Variants in SULF2 observed in about 807,000 individuals in gnomAD.
The protein encoded by SULF2 is extracellular sulfatase Sulf-2.
A neutral mutation model predicts 107.7 loss-of-function variants in SULF2; 52 were observed. That is an observed-to-expected ratio of 0.48 (90% CI 0.39 to 0.61). The LOEUF is 0.61. Among genes scored for constraint, SULF2 ranks in the 20% least tolerant of loss-of-function variants. The probability of loss-of-function intolerance (pLI) is 0.00; values close to 1 mark genes in which losing one functional copy is unlikely to be tolerated. For synonymous variants in SULF2, 460 were observed against 464.3 expected, an observed-to-expected ratio of 0.99 and a Z score of 0.12; for missense variants, 993 against 1,177.3, an observed-to-expected ratio of 0.84 and a Z score of 2.29.
chr20:47,776,362 A>G (rs1165964521), intron 1 of SULF2, among the ~76,000 whole-genome samples: 1 of 152,154 alleles, frequency 6.6e-6, no homozygotes, highest in East Asian at 1.9e-4. Context: ...GAGCAAGGAG[A>G]GACTTCGTTG....
At chr20:47,743,926 A>G (rs1338399529) in intron 2 of SULF2, among the ~76,000 whole-genome samples, 3 of 152,156 alleles carry the variant, frequency 2.0e-5, no homozygotes, top group African/African-American at 7.2e-5. Context: ...GTTTCTGCAA[A>G]TATCACTTTC....
intron 4 of SULF2, among the ~76,000 whole-genome samples, chr20:47,690,648 A>C (rs948147973): frequency 3.3e-5 from 5 of 152,104 alleles, no homozygotes; most frequent in Non-Finnish European, 2.9e-5. Context: ...TGAGGTGAGC[A>C]GATCACCTGA....
chr20:47,718,321 G>A (rs1380150749), intron 3 of SULF2, among the ~76,000 whole-genome samples: 1 of 152,022 alleles, frequency 6.6e-6, no homozygotes, highest in Non-Finnish European at 1.5e-5. Flanking sequence ...CCTCTAAATG[G>A]TTACTGTTTT....
At chr20:47,773,563 C>T (rs1369910030) in intron 1 of SULF2, among the ~76,000 whole-genome samples, 4 of 152,252 alleles carry the variant, frequency 2.6e-5, no homozygotes, top group Admixed American at 6.5e-5. Flanking sequence ...AGGCCACACC[C>T]GCTGTCCTTT....
intron 3 of SULF2, among the ~76,000 whole-genome samples, chr20:47,715,871 G>C (rs112103943): frequency 6.6e-6 from 1 of 152,144 alleles, no homozygotes; most frequent in African/African-American, 2.4e-5. Context: ...GAGCCACTGC[G>C]CCTGGCTGAG....
chr20:47,758,635 G>A (rs1483584235), intron 1 of SULF2, among the ~76,000 whole-genome samples: 3 of 152,104 alleles, frequency 2.0e-5, no homozygotes, highest in Non-Finnish European at 4.4e-5. Context: ...GTGGGGACGC[G>A]ACTCTGGCTC....
In SULF2 at chr20:47,745,391, AAAAAAAAAAAAAAAAAAAAATATATATAT is replaced by A. The variant is rs1306437986; in HGVS notation, c.176-8478_176-8450del. 2.9e-4 allele frequency among the ~76,000 whole-genome samples: 4 copies of A among 13,834 alleles called. 1 individual carries two copies. The highest frequency in any genetic ancestry group is 2.3e-3 in the Admixed American group (2 of 868). The allele number at this position is 13,834 out of a possible 152,430, so 9.1% of individuals were successfully genotyped here. The stretch of plus-strand genomic sequence containing the variant: ...GTTCTGAGTTTTGAGGGAAAAAAAA[AAAAAAAAAAAAAAAAAAAAATATATATAT>A]ATATATATATATATATATATATATA... On this transcript the variant is annotated intron_variant, in intron 2 of 20. Coordinates refer to ENST00000688720, the MANE Select transcript of SULF2 (RefSeq NM_001387048.1).
intron 1 of SULF2, among the ~76,000 whole-genome samples, chr20:47,760,549 G>A (rs2090397130): frequency 6.6e-6 from 1 of 152,010 alleles, no homozygotes; most frequent in South Asian, 2.1e-4. Flanking sequence ...TGCTCCCTTT[G>A]CCCACCTGCC....
intron 10 of SULF2, 49 bp downstream of exon 10, chr20:47,676,445 G>C: frequency 6.3e-7 from 1 of 1,587,948 alleles, no homozygotes; most frequent in Non-Finnish European, 8.6e-7. Flanking sequence ...GGTCAGGGCC[G>C]GCTGCAGTCA....
intron 1 of SULF2, among the ~76,000 whole-genome samples, chr20:47,780,033 T>C (rs1233301332): frequency 2.0e-5 from 3 of 150,894 alleles, no homozygotes; most frequent in African/African-American, 7.3e-5. Flanking sequence ...TTTTTTTTTT[T>C]TGAGACAGAG....
chr20:47,765,809 C>T (rs1159771234), intron 1 of SULF2, among the ~76,000 whole-genome samples: 1 of 152,158 alleles, frequency 6.6e-6, no homozygotes, highest in African/African-American at 2.4e-5. Flanking sequence ...GACCCCAGAG[C>T]CTACTCTTTT....
chr20:47,767,606 T>G (rs1277711406), intron 1 of SULF2, among the ~76,000 whole-genome samples: 1 of 152,114 alleles, frequency 6.6e-6, no homozygotes, highest in Non-Finnish European at 1.5e-5. Flanking sequence ...TGAAACCCCA[T>G]CTCTACTAAA....
chr20:47,737,317 T>C (rs894986872), intron 2 of SULF2, among the ~76,000 whole-genome samples: 1 of 151,454 alleles, frequency 6.6e-6, no homozygotes, highest in African/African-American at 2.4e-5. Flanking sequence ...GTTTTACAAA[T>C]TTTAAACACA....
intron 1 of SULF2, among the ~76,000 whole-genome samples, chr20:47,766,784 A>T (rs943394100): frequency 4.6e-5 from 7 of 152,230 alleles, no homozygotes; most frequent in African/African-American, 1.7e-4. Context: ...CATGGATTAA[A>T]GTTAGAGCAC....
At chr20:47,703,708 C>T (rs921132867) in intron 3 of SULF2, among the ~76,000 whole-genome samples, 1 of 152,130 alleles carries the variant, frequency 6.6e-6, no homozygotes. Flanking sequence ...AACTCAGGTA[C>T]AAGACATGAC....
rs2150809 is a variant in SULF2 at position 47,724,449 on chromosome 20, C to A, written c.415+12254G>T. 3.3e-3 allele frequency among the ~76,000 whole-genome samples: 498 copies of A among 152,126 alleles called. 2 individuals carry two copies. The highest frequency in any genetic ancestry group is 0.011 in the African/African-American group (472 of 41,506). ...GCTGACTGGTTGTAGCAGGGCCAGGCGGAGCTCTGGGTGTTGGTGGCATGG... is the reference window on the plus strand; with the variant it reads ...GCTGACTGGTTGTAGCAGGGCCAGGAGGAGCTCTGGGTGTTGGTGGCATGG... On this transcript the variant is annotated intron_variant, in intron 3 of 20. Coordinates refer to ENST00000688720, the MANE Select transcript of SULF2 (RefSeq NM_001387048.1).
rs1226975593 is a variant in SULF2, at chr20:47,785,428, G to GGACTCCGCGCCGCCGCTGCC, written c.-206_-187dup. On this transcript the variant is annotated 5_prime_UTR_variant, in exon 1 of 21. Coordinates refer to ENST00000688720, the MANE Select transcript of SULF2 (RefSeq NM_001387048.1). Reference sequence around the variant, plus strand: ...GCCCGGCCGGGCCGCTGGGCGCAGGGGACTCCGCGCCGCCGCTGCCGCTGC... The same window carrying GGACTCCGCGCCGCCGCTGCC: ...GCCCGGCCGGGCCGCTGGGCGCAGGGGACTCCGCGCCGCCGCTGCCGACTCCGCGCCGCCGCTGCCGCTGC... The GGACTCCGCGCCGCCGCTGCC allele has an allele frequency of 1.3e-5, 2 of 155,594 alleles. No individual in the cohort carries two copies. 9.6% of individuals were successfully genotyped at this position (155,594 alleles called of 1,614,324 possible). A position where few individuals can be genotyped will look rare whatever the true frequency, so the allele number is the denominator to read the frequency against.
chr20:47,739,626 C>A (rs1393125501), intron 2 of SULF2, among the ~76,000 whole-genome samples: 1 of 152,194 alleles, frequency 6.6e-6, no homozygotes, highest in Admixed American at 6.5e-5. Context: ...TTCCCCGCTC[C>A]GTGTCTCTCC....
At chr20:47,728,031 G>A (rs924391837) in intron 3 of SULF2, among the ~76,000 whole-genome samples, 4 of 152,152 alleles carry the variant, frequency 2.6e-5, no homozygotes, top group Non-Finnish European at 4.4e-5. Flanking sequence ...GTGGATACTC[G>A]GATCCCCACA....
Sources: gnomAD v4.1 joint callset for allele counts (sites outside exome capture counted in the v4.1 genomes callset) on GRCh38, gnomAD v4.1.1 for gene constraint, MANE v1.5 for transcripts, NCBI Gene and HGNC (gene_info 2026-07-23, HGNC 2026-07-21) for gene names.